The following ZFYVE16 variants were observed in gnomAD, a reference collection of about 807,000 sequenced individuals.
The protein encoded by ZFYVE16 is zinc finger FYVE-type containing 16.
A neutral mutation model predicts 138.1 loss-of-function variants in ZFYVE16; 89 were observed. That is an observed-to-expected ratio of 0.64 (90% confidence interval 0.54 to 0.77). ZFYVE16 has a LOEUF of 0.77. Ranked by LOEUF, ZFYVE16 falls within the 30% of genes least tolerant of loss-of-function variation. The pLI, the probability that ZFYVE16 is intolerant of heterozygous loss-of-function variation, is 0.00. For synonymous variants in ZFYVE16, 596 were observed against 618.3 expected, an observed-to-expected ratio of 0.96 and a Z score of 0.53; for missense variants, 1,793 against 1,786.7, an observed-to-expected ratio of 1.00 and a Z score of -0.06.
At chr5:80,463,993 A>G (rs1273919246) in intron 15 of ZFYVE16, among the ~76,000 whole-genome samples, 1 of 152,126 alleles carries the variant, frequency 6.6e-6, no homozygotes, top group Non-Finnish European at 1.5e-5. Flanking sequence ...CCATATCACT[A>G]TCAGCATTTT....
intron 5 of ZFYVE16, 192 bp from the exon 6 acceptor site, chr5:80,442,931 G>A: frequency 1.9e-6 from 1 of 516,204 alleles, no homozygotes; most frequent in Non-Finnish European, 3.3e-6. Flanking sequence ...TTATCAAAGT[G>A]GCATGCTGCC....
Position 80,477,297 on chromosome 5 carries a change from G to C in ZFYVE16, c.4540G>C (p.Val1514Leu). 6.2e-7 allele frequency: 1 copy of C among 1,609,970 alleles called. No individual in the cohort carries two copies. Among genetic ancestry groups the C allele is most frequent in the Non-Finnish European group, 8.5e-7 (1 of 1,178,712 alleles). Reference protein sequence around the residue: ...LNDLDSALIPVIHGGTSNSSL... With the variant: ...LNDLDSALIPLIHGGTSNSSL... The stretch of plus-strand genomic sequence containing the variant: ...TGATCTTGATAGTGCTCTGATACCT[G>C]TGATCCATGGTGGGACCTCCAACTC... The change falls in exon 19 of 19, where the codon GTG becomes CTG. Residue 1514 changes from valine (V) to leucine (L), a missense_variant. Transcript: ENST00000505560.
At chr5:80,435,819 C>T (rs1441998737) in intron 3 of ZFYVE16, 1 of 341,750 alleles carries the variant, frequency 2.9e-6, no homozygotes, top group African/African-American at 2.2e-5. Context: ...AAGTTATCCT[C>T]CGACCGTGGC....
chr5:80,410,494 C>T (rs1745254116), intron 1 of ZFYVE16, among the ~76,000 whole-genome samples: 1 of 152,116 alleles, frequency 6.6e-6, no homozygotes, highest in African/African-American at 2.4e-5. Flanking sequence ...GTTATTTGCT[C>T]GTTTATAGTC....
chr5:80,412,445 G>A (rs1324867412), intron 1 of ZFYVE16, among the ~76,000 whole-genome samples: 1 of 151,888 alleles, frequency 6.6e-6, no homozygotes, highest in Non-Finnish European at 1.5e-5. Flanking sequence ...TAGATTATTG[G>A]CACAAAAAGT....
chr5:80,411,941 T>C (rs951277585), intron 1 of ZFYVE16, among the ~76,000 whole-genome samples: 1 of 152,264 alleles, frequency 6.6e-6, no homozygotes, highest in Middle Eastern at 3.4e-3. Flanking sequence ...CTTCTCATTA[T>C]TTTGCCACTT....
chr5:80,454,897 A>T (rs1752363219), intron 11 of ZFYVE16: 1 of 152,218 alleles, frequency 6.6e-6, no homozygotes, highest in African/African-American at 2.4e-5. Flanking sequence ...TTAGTTATAA[A>T]TGCCTTAAAA....
chr5:80,469,088 TTC>T, intron 15 of ZFYVE16, among the ~76,000 whole-genome samples: 1 of 150,588 alleles, frequency 6.6e-6, no homozygotes, highest in African/African-American at 2.4e-5. Context: ...TTTCTTTTCT[TTC>T]TCTCTTTTTT....
In ZFYVE16 at chr5:80,476,231, C is replaced by A. The variant is rs150571718; in HGVS notation, c.4462-988C>A. Among the ~76,000 whole-genome samples the A allele has an allele frequency of 2.3e-3, 357 of 152,310 alleles. 1 individual carries two copies. Among genetic ancestry groups the A allele is most frequent in the African/African-American group, 8.2e-3 (341 of 41,548 alleles). On this transcript the variant is annotated intron_variant, in intron 18 of 18. Transcript: ENST00000505560. ...GGATTATAGGTGTGAGCCACCGCAC[C>A]TGGCCTCCCCCATATCCTTATCAAA...
chr5:80,438,000 T>A lies in ZFYVE16; in HGVS notation c.1315T>A (p.Cys439Ser), dbSNP rs776897765. Residue 439 changes from cysteine to serine, a missense_variant, in exon 4 of 19, where the codon TGT becomes AGT. Physicochemically the swap from Cys to Ser is moderately radical, Grantham distance 112. Coordinates refer to ENST00000505560, the MANE Select transcript of ZFYVE16 (RefSeq NM_001284236.3). ...GAATGATCTTTTGAAACAGGAAAAATGTAAAAGCATACTCCTTCAGTCATT... is the reference window on the plus strand; with the variant it reads ...GAATGATCTTTTGAAACAGGAAAAAAGTAAAAGCATACTCCTTCAGTCATT... ...KENDLLKQEK[C>S]KSILLQSLIE... The A allele has an allele frequency of 6.2e-7, 1 of 1,613,920 alleles. No homozygotes were observed. Among genetic ancestry groups the A allele is most frequent in the Non-Finnish European group, 8.5e-7 (1 of 1,179,944 alleles).
In ZFYVE16 at chr5:80,455,722, G is replaced by T; in HGVS notation, c.3638G>T (p.Gly1213Val). ...CCTGCTCCTCTAACAAGCATCAGAG[G>T]CCGAAAACCTCTTTTTGGAGAAATA... ...AYPAPLTSIR[G>V]RKPLFGEIGH... The change falls in exon 12 of 19, where the codon GGC (glycine) becomes GTC (valine). Residue 1213 changes from glycine (G) to valine (V), a missense_variant. By Grantham distance (109) the Gly-to-Val change is moderately radical (BLOSUM62 -3). Coordinates refer to ENST00000505560, the MANE Select transcript of ZFYVE16 (RefSeq NM_001284236.3). 1 of 1,596,094 alleles carries T rather than the reference G, an allele frequency of 6.3e-7. No homozygotes were observed. Among genetic ancestry groups the T allele is most frequent in the Non-Finnish European group, 8.5e-7 (1 of 1,175,324 alleles).
At chr5:80,425,892 T>C (rs1747915013) in intron 1 of ZFYVE16, among the ~76,000 whole-genome samples, 1 of 152,180 alleles carries the variant, frequency 6.6e-6, no homozygotes, top group South Asian at 2.1e-4. Context: ...AACATCCATT[T>C]ATAGCCATGG....
intron 10 of ZFYVE16, among the ~76,000 whole-genome samples, chr5:80,450,849 C>T (rs1195147568): frequency 7.3e-6 from 1 of 137,800 alleles, no homozygotes; most frequent in East Asian, 2.2e-4. Context: ...GACAGTGTCT[C>T]CACCCCGGCT....
rs553740867 is a variant in ZFYVE16 at position 80,437,970 on chromosome 5, A to G, written c.1285A>G (p.Lys429Glu). 9.9e-6 allele frequency: 16 copies of G among 1,614,088 alleles called. No homozygotes were observed. The highest frequency in any genetic ancestry group is 1.1e-5 in the Non-Finnish European group (13 of 1,179,968). Residue 429 changes from lysine (K) to glutamate (E), a missense_variant, in exon 4 of 19, where the codon AAA becomes GAA. Around this residue, in one of 2 missense-constraint regions of ZFYVE16, gnomAD observed 1,295 missense variants for 1,204.3 expected, o/e 1.08. Transcript: ENST00000505560. ...NSVVLGGEPF[K>E]ENDLLKQEKC... ...TGTTGTTCTAGGTGGGGAACCATTCAAAGAGAATGATCTTTTGAAACAGGA... is the reference window on the plus strand; with the variant it reads ...TGTTGTTCTAGGTGGGGAACCATTCGAAGAGAATGATCTTTTGAAACAGGA...
At chr5:80,456,196 A>G (rs972348024) in intron 12 of ZFYVE16, 3 of 330,570 alleles carry the variant, frequency 9.1e-6, no homozygotes, top group Non-Finnish European at 1.1e-5. Context: ...GTTCCCTTCC[A>G]CCTATACTTT....
chr5:80,446,569 A>G (rs1447480584), intron 7 of ZFYVE16, among the ~76,000 whole-genome samples: 1 of 152,046 alleles, frequency 6.6e-6, no homozygotes, highest in East Asian at 1.9e-4. Flanking sequence ...TTTTTTTGTT[A>G]AATTATATGA....
At chr5:80,453,136 AAG>A (rs1157711544) in intron 11 of ZFYVE16, among the ~76,000 whole-genome samples, 1 of 152,170 alleles carries the variant, frequency 6.6e-6, no homozygotes, top group Admixed American at 6.5e-5. Flanking sequence ...AATTGAGAGA[AAG>A]AGAGAATCTA....
At chr5:80,407,647 T>C (rs1744803428), upstream of ZFYVE16, among the ~76,000 whole-genome samples, 1 of 152,224 alleles carries the variant, frequency 6.6e-6, no homozygotes, top group Non-Finnish European at 1.5e-5. Context: ...AGAGCAGGCC[T>C]AGCCCGCTGC....
At chr5:80,474,532 G>A (rs957124557) in intron 17 of ZFYVE16, 131 bp from the exon 18 acceptor site, 81 of 903,226 alleles carry the variant, frequency 9.0e-5, no homozygotes, top group Non-Finnish European at 1.2e-4. Flanking sequence ...TCAAGCTATC[G>A]ATACAGAATT....
Sources: gnomAD v4.1 joint callset for allele counts (sites outside exome capture counted in the v4.1 genomes callset) on GRCh38, gnomAD v4.1.1 for gene constraint, gnomAD v4.1.1 regional missense constraint, MANE v1.5 for transcripts, NCBI Gene and HGNC (gene_info 2026-07-23, HGNC 2026-07-21) for gene names.